The following CSMD1 variants were observed in gnomAD, a reference collection of about 807,000 sequenced individuals.
CSMD1 encodes CUB and Sushi multiple domains 1.
A neutral mutation model predicts 417.5 loss-of-function variants in CSMD1; 213 were observed. The ratio of observed to expected loss-of-function variants is 0.51; its 90% CI spans 0.46 to 0.57. CSMD1 has a LOEUF of 0.57. Among genes scored for constraint, CSMD1 ranks in the 20% least tolerant of loss-of-function variants. The pLI, the probability that CSMD1 is intolerant of heterozygous loss-of-function variation, is 0.00. For synonymous variants in CSMD1, 2,862 were observed against 1,736.8 expected (o/e 1.65, Z -16.11); for missense variants, 6,923 against 4,529.7 (o/e 1.53, Z -15.17).
At chr8:3,631,040 T>G (rs1000891526) in intron 7 of CSMD1, among the ~76,000 whole-genome samples, 10 of 152,170 alleles carry the variant, frequency 6.6e-5, no homozygotes, top group Non-Finnish European at 1.2e-4. Flanking sequence ...TCATGCTTCT[T>G]TGCTCGTGCC....
chr8:3,210,628 A>G (rs1442388), intron 30 of CSMD1, among the ~76,000 whole-genome samples: 47,668 of 147,930 alleles, frequency 0.32, 7,737 homozygotes, highest in East Asian at 0.36. Flanking sequence ...ACAGGAATAT[A>G]TATATAAAGT....
At chr8:4,448,143 T>A (rs1585092467) in intron 2 of CSMD1, among the ~76,000 whole-genome samples, 1 of 152,202 alleles carries the variant, frequency 6.6e-6, no homozygotes, top group South Asian at 2.1e-4. Flanking sequence ...CCAATGTGTA[T>A]CGCTCGTATC....
chr8:3,776,486 C>A (rs572239220), intron 5 of CSMD1, among the ~76,000 whole-genome samples: 3 of 152,210 alleles, frequency 2.0e-5, no homozygotes, highest in African/African-American at 7.2e-5. Context: ...GCCACACACA[C>A]ATTTCCTGCT....
intron 3 of CSMD1, among the ~76,000 whole-genome samples, chr8:4,222,768 A>G (rs1801117020): frequency 6.6e-6 from 1 of 152,206 alleles, no homozygotes; most frequent in Non-Finnish European, 1.5e-5. Flanking sequence ...GTTATAGTTT[A>G]GCTCACCGAG....
chr8:3,676,290 C>T (rs1052439252), intron 7 of CSMD1, among the ~76,000 whole-genome samples: 1 of 152,082 alleles, frequency 6.6e-6, no homozygotes, highest in Non-Finnish European at 1.5e-5. Flanking sequence ...ACTCTGTGGC[C>T]CTGGGGCAAG....
intron 1 of CSMD1, among the ~76,000 whole-genome samples, chr8:4,833,590 A>G (rs2116730225): frequency 6.6e-6 from 1 of 152,348 alleles, no homozygotes; most frequent in East Asian, 1.9e-4. Flanking sequence ...CAAATGGAGC[A>G]CACGATTTTT....
At chr8:3,824,889 G>C (rs1268261678) in intron 5 of CSMD1, among the ~76,000 whole-genome samples, 1 of 152,090 alleles carries the variant, frequency 6.6e-6, no homozygotes, top group African/African-American at 2.4e-5. Flanking sequence ...AATAAAATGA[G>C]AATTGTAAAG....
At chr8:4,780,760 A>G (rs533883644) in intron 1 of CSMD1, among the ~76,000 whole-genome samples, 2 of 152,058 alleles carry the variant, frequency 1.3e-5, no homozygotes, top group African/African-American at 4.8e-5. Flanking sequence ...CCATTGTATC[A>G]TTTTTATGCC....
At chr8:4,135,219 T>C (rs1803346476) in intron 3 of CSMD1, among the ~76,000 whole-genome samples, 1 of 152,058 alleles carries the variant, frequency 6.6e-6, no homozygotes, top group Non-Finnish European at 1.5e-5. Flanking sequence ...ATGTTGAGAA[T>C]TAAGCTGTCC....
At chr8:3,931,318 A>C (rs571809541) in intron 5 of CSMD1, among the ~76,000 whole-genome samples, 1 of 150,510 alleles carries the variant, frequency 6.6e-6, no homozygotes. Context: ...ATATTTAAGA[A>C]CTAGAAGTCA....
chr8:4,765,914 A>G (rs957001984), intron 1 of CSMD1, among the ~76,000 whole-genome samples: 2 of 152,182 alleles, frequency 1.3e-5, no homozygotes, highest in Non-Finnish European at 2.9e-5. Flanking sequence ...TTAAATGCCA[A>G]AAGGGTTTGA....
intron 2 of CSMD1, among the ~76,000 whole-genome samples, chr8:4,588,362 G>A (rs569228137): frequency 3.4e-4 from 48 of 142,270 alleles, no homozygotes; most frequent in African/African-American, 1.2e-3. Flanking sequence ...CACTGGCTAT[G>A]CTATCTAGAG....
chr8:3,730,754 C>T (rs1331547945), intron 6 of CSMD1, among the ~76,000 whole-genome samples: 1 of 152,108 alleles, frequency 6.6e-6, no homozygotes, highest in African/African-American at 2.4e-5. Context: ...CAGATAGGAC[C>T]AGAGTTATGT....
intron 8 of CSMD1, among the ~76,000 whole-genome samples, chr8:3,615,248 G>A (rs142627647): frequency 5.9e-5 from 9 of 152,178 alleles, no homozygotes; most frequent in African/African-American, 2.2e-4. Context: ...CAGCAAAGTG[G>A]GTACAAAAGG....
chr8:3,462,272 T>G (rs768336946), intron 12 of CSMD1, among the ~76,000 whole-genome samples: 20 of 152,288 alleles, frequency 1.3e-4, no homozygotes, highest in South Asian at 4.1e-4. Flanking sequence ...TTTGGAAGAC[T>G]ATACAGTGCC....
At chr8:3,187,780 C>G (rs1585597100) in intron 36 of CSMD1, 89 bp downstream of exon 36, 6 of 932,400 alleles carry the variant, frequency 6.4e-6, no homozygotes, top group Non-Finnish European at 1.0e-5. Context: ...AGGAAAATTT[C>G]TATGTGGAGT....
intron 6 of CSMD1, among the ~76,000 whole-genome samples, chr8:3,720,866 C>A (rs1329111821): frequency 6.6e-6 from 1 of 151,524 alleles, no homozygotes; most frequent in Non-Finnish European, 1.5e-5. Flanking sequence ...GGTTGAAGTG[C>A]AATGGCGTGA....
intron 3 of CSMD1, among the ~76,000 whole-genome samples, chr8:4,178,553 T>TCAA: frequency 6.6e-6 from 1 of 151,154 alleles, no homozygotes; most frequent in South Asian, 2.1e-4. Flanking sequence ...CCACTCCTAT[T>TCAA]CAACATAGTG....
At chr8:4,648,400 G>C (rs1290315415) in intron 1 of CSMD1, among the ~76,000 whole-genome samples, 3 of 152,174 alleles carry the variant, frequency 2.0e-5, no homozygotes, top group African/African-American at 7.2e-5. Flanking sequence ...GGCCCCTAAT[G>C]GTGCCTCAGC....
Sources: allele counts gnomAD v4.1 joint callset (sites outside exome capture counted in the v4.1 genomes callset), GRCh38; gene constraint gnomAD v4.1.1; transcripts MANE v1.5; gene names NCBI Gene and HGNC (gene_info 2026-07-23, HGNC 2026-07-21).